PLCG2: variants seen among roughly 807,000 people sequenced by gnomAD.
The protein encoded by PLCG2 is 1-phosphatidylinositol 4,5-bisphosphate phosphodiesterase gamma-2.
A neutral mutation model predicts 175.6 loss-of-function variants in PLCG2; 69 were observed. The observed-to-expected ratio is 0.39, with a 90% CI of 0.32 to 0.48. PLCG2 has a LOEUF of 0.48. Ranked by LOEUF, PLCG2 falls within the 20% of genes least tolerant of loss-of-function variation. The pLI is 0.91. For synonymous variants in PLCG2, 827 were observed against 624.0 expected, an observed-to-expected ratio of 1.33 and a Z score of -4.85; for missense variants, 1,798 against 1,650.9, an observed-to-expected ratio of 1.09 and a Z score of -1.54.
intron 2 of PLCG2, among the ~76,000 whole-genome samples, chr16:81,819,888 C>T (rs1904720147): frequency 4.6e-5 from 7 of 152,136 alleles, no homozygotes; most frequent in Admixed American, 4.6e-4. Context: ...CTAGCCCTAG[C>T]TCAGTTTTAA....
Position 81,769,132 on chromosome 16 carries a change from C to A in PLCG2, c.-48+13166C>A, listed in dbSNP as rs76856783. Among the ~76,000 whole-genome samples, 109 of 152,288 alleles carry A rather than the reference C, an allele frequency of 7.2e-4. 1 individual carries two copies. In the East Asian group the frequency reaches 0.02, roughly 28 times the overall value. ...AACAGTGCTTAAGGTAAGTTTGTCT[C>A]AGATGCCATGTGAGTTTCTCTGCTC... On this transcript the variant is annotated intron_variant, in intron 2 of 5. Coordinates refer to the PLCG2 transcript ENST00000565054.
intron 5 of PLCG2, among the ~76,000 whole-genome samples, chr16:81,863,174 G>A (rs934672421): frequency 1.3e-5 from 2 of 152,096 alleles, no homozygotes; most frequent in African/African-American, 4.8e-5. Context: ...TCAAACTGAG[G>A]CTCTGCAGCC....
intron 2 of PLCG2, among the ~76,000 whole-genome samples, chr16:81,809,681 CG>C (rs374785803): frequency 1.1e-3 from 174 of 152,110 alleles, no homozygotes; most frequent in African/African-American, 4.1e-3. Flanking sequence ...CTGTTCCCTG[CG>C]GTGTGTGAGC....
At chr16:81,888,815 A>G (rs1048970768) in intron 9 of PLCG2, among the ~76,000 whole-genome samples, 4 of 152,240 alleles carry the variant, frequency 2.6e-5, no homozygotes, top group Non-Finnish European at 5.9e-5. Context: ...TGGACCAAAT[A>G]TAGCTGACCA....
At chr16:81,791,745 A>G (rs1207653901) in intron 2 of PLCG2, among the ~76,000 whole-genome samples, 2 of 152,062 alleles carry the variant, frequency 1.3e-5, no homozygotes, top group Non-Finnish European at 2.9e-5. Context: ...TTGTATTTTT[A>G]GTAGAGATGG....
chr16:81,914,033 C>T (rs1341604574), intron 19 of PLCG2, among the ~76,000 whole-genome samples: 1 of 152,220 alleles, frequency 6.6e-6, no homozygotes, highest in Non-Finnish European at 1.5e-5. Context: ...TGCCTCTGCC[C>T]TTTGCTCTTT....
At chr16:81,807,695 A>T (rs747955177) in intron 2 of PLCG2, among the ~76,000 whole-genome samples, 1 of 152,240 alleles carries the variant, frequency 6.6e-6, no homozygotes, top group Non-Finnish European at 1.5e-5. Flanking sequence ...ACGGCTATAA[A>T]GAGCTACCAA....
At chr16:81,954,137 C>T (rs1451163779) in intron 31 of PLCG2, among the ~76,000 whole-genome samples, 1 of 152,094 alleles carries the variant, frequency 6.6e-6, no homozygotes, top group Admixed American at 6.5e-5. Context: ...ATCTTACCCT[C>T]TCAGCCTCCT....
At chr16:81,787,393 A>ATGTTTTTTT in intron 2 of PLCG2, among the ~76,000 whole-genome samples, 1 of 94,582 alleles carries the variant, frequency 1.1e-5, no homozygotes, top group Non-Finnish European at 2.0e-5. Context: ...GGATAATTTA[A>ATGTTTTTTT]TTTTTTTTTT....
intron 2 of PLCG2, among the ~76,000 whole-genome samples, chr16:81,786,881 C>A (rs4583233): frequency 0.35 from 52,925 of 152,166 alleles, 9,441 homozygotes; most frequent in South Asian, 0.45. Flanking sequence ...AAGGAGTCAA[C>A]TCAAATATTT....
At chr16:81,763,146 A>T (rs1358142984) in intron 2 of PLCG2, among the ~76,000 whole-genome samples, 2 of 152,212 alleles carry the variant, frequency 1.3e-5, no homozygotes, top group Non-Finnish European at 2.9e-5. Flanking sequence ...GAGACTGAAG[A>T]AGAGGCCTTA....
chr16:81,950,568 A>G (rs1911327058), intron 31 of PLCG2, among the ~76,000 whole-genome samples: 1 of 152,204 alleles, frequency 6.6e-6, no homozygotes, highest in African/African-American at 2.4e-5. Context: ...AATGGATAAC[A>G]TACACTATTT....
At chr16:81,913,078 A>ACAGCCCAGG (rs1485003152) in intron 19 of PLCG2, among the ~76,000 whole-genome samples, 1 of 152,198 alleles carries the variant, frequency 6.6e-6, no homozygotes, top group Admixed American at 6.5e-5. Context: ...TCGAGCCCAG[A>ACAGCCCAGG]CAGCCCAGGC....
chr16:81,742,418 G>C (rs1415079683), intron 1 of PLCG2, among the ~76,000 whole-genome samples: 4 of 152,126 alleles, frequency 2.6e-5, no homozygotes, highest in Non-Finnish European at 4.4e-5. Context: ...GACTCTAAGA[G>C]TGACTGCCAT....
chr16:81,919,817 C>T (rs141286650), intron 20 of PLCG2, among the ~76,000 whole-genome samples, 153 bp downstream of exon 20: 2 of 152,136 alleles, frequency 1.3e-5, no homozygotes, highest in Admixed American at 1.3e-4. Flanking sequence ...AAAGACCCTG[C>T]CGTTGTGCTG....
chr16:81,856,450 T>C (rs1906685209), intron 3 of PLCG2, among the ~76,000 whole-genome samples: 1 of 152,152 alleles, frequency 6.6e-6, no homozygotes, highest in Non-Finnish European at 1.5e-5. Context: ...ATGCCGCTTA[T>C]TAACAAGGGT....
intron 2 of PLCG2, among the ~76,000 whole-genome samples, chr16:81,811,998 C>T (rs1904339204): frequency 1.3e-5 from 2 of 150,820 alleles, no homozygotes. Flanking sequence ...AGTGTAAAAG[C>T]ATTCCTATTT....
chr16:81,803,586 CTTTT>C (rs1314933064), intron 2 of PLCG2, among the ~76,000 whole-genome samples: 4 of 143,184 alleles, frequency 2.8e-5, no homozygotes, highest in African/African-American at 7.8e-5. Context: ...CCTTTCCTTT[CTTTT>C]CTTTTCTCCT....
intron 2 of PLCG2, among the ~76,000 whole-genome samples, chr16:81,801,637 C>T (rs149884119): frequency 6.6e-6 from 1 of 152,032 alleles, no homozygotes; most frequent in Admixed American, 6.6e-5. Context: ...TTTTAAAAAC[C>T]TATCTCCCAT....
Sources: gnomAD v4.1 joint callset for allele counts (sites outside exome capture counted in the v4.1 genomes callset) on GRCh38, gnomAD v4.1.1 for gene constraint, MANE v1.5 for transcripts, NCBI Gene and HGNC (gene_info 2026-07-23, HGNC 2026-07-21) for gene names.